DACH1: variants seen among roughly 807,000 people sequenced by gnomAD.
DACH1 encodes the protein dachshund homolog 1.
In DACH1, 12 loss-of-function variants were observed where a neutral mutation model predicts 54.2. The observed-to-expected ratio is 0.22, with a 90% CI of 0.14 to 0.36. The LOEUF is 0.36. DACH1 is among the 10% of genes least tolerant of loss of function. The pLI is 1.00. For missense variants in DACH1, 805 were observed against 929.8 expected, an observed-to-expected ratio of 0.87 and a Z score of 1.75; for synonymous variants, 386 against 366.2, an observed-to-expected ratio of 1.05 and a Z score of -0.62.
intron 1 of DACH1, among the ~76,000 whole-genome samples, chr13:71,847,591 T>C (rs1385444761): frequency 6.6e-6 from 1 of 152,176 alleles, no homozygotes; most frequent in Non-Finnish European, 1.5e-5. Flanking sequence ...TTTAAAATGT[T>C]AACAGTGATG....
At chr13:71,791,637 G>A (rs1886838325) in intron 1 of DACH1, among the ~76,000 whole-genome samples, 1 of 152,116 alleles carries the variant, frequency 6.6e-6, no homozygotes, top group Admixed American at 6.5e-5. Context: ...ACCCGCCTTG[G>A]CCTCCCAAAG....
chr13:71,714,631 A>G (rs1463559951), intron 1 of DACH1, among the ~76,000 whole-genome samples: 1 of 152,072 alleles, frequency 6.6e-6, no homozygotes, highest in Non-Finnish European at 1.5e-5. Flanking sequence ...TTTAGTAAAG[A>G]TTCCTTATGA....
chr13:71,665,004 T>C (rs1029374800), intron 2 of DACH1, among the ~76,000 whole-genome samples: 5 of 151,966 alleles, frequency 3.3e-5, no homozygotes, highest in African/African-American at 1.2e-4. Flanking sequence ...TTACTACTAA[T>C]GAGCAATAGG....
intron 1 of DACH1, among the ~76,000 whole-genome samples, chr13:71,727,416 T>G (rs1357285786): frequency 6.6e-6 from 1 of 152,100 alleles, no homozygotes; most frequent in African/African-American, 2.4e-5. Flanking sequence ...CCAACAGCCC[T>G]GGTGCACATT....
At chr13:71,658,319 G>A (rs1273623809) in intron 2 of DACH1, among the ~76,000 whole-genome samples, 5 of 152,162 alleles carry the variant, frequency 3.3e-5, no homozygotes, top group African/African-American at 9.7e-5. Flanking sequence ...GGAAGCTGAG[G>A]CGGGTGGATC....
At chr13:71,762,064 T>C (rs1401141515) in intron 1 of DACH1, among the ~76,000 whole-genome samples, 1 of 152,158 alleles carries the variant, frequency 6.6e-6, no homozygotes, top group Non-Finnish European at 1.5e-5. Context: ...CCTCAAAGTC[T>C]GTATTGTTAT....
chr13:71,708,009 C>A (rs1172456961), intron 1 of DACH1, among the ~76,000 whole-genome samples: 1 of 151,730 alleles, frequency 6.6e-6, no homozygotes, highest in Non-Finnish European at 1.5e-5. Context: ...GGTGAGTAAT[C>A]TAACTTCTTT....
chr13:71,497,424 T>C (rs970913489), intron 6 of DACH1, among the ~76,000 whole-genome samples: 5 of 151,894 alleles, frequency 3.3e-5, no homozygotes, highest in Non-Finnish European at 7.4e-5. Context: ...CTCTGCATCC[T>C]GGGTTCAGGT....
intron 1 of DACH1, among the ~76,000 whole-genome samples, chr13:71,735,072 G>T (rs1160749737): frequency 6.7e-6 from 1 of 149,450 alleles, no homozygotes; most frequent in African/African-American, 2.5e-5. Context: ...CATATATATG[G>T]GATATACGTA....
intron 6 of DACH1, among the ~76,000 whole-genome samples, chr13:71,541,127 CT>C (rs1225109192): frequency 2.0e-5 from 3 of 151,774 alleles, no homozygotes; most frequent in Non-Finnish European, 2.9e-5. Context: ...AATTATGATG[CT>C]ATTCCTTATG....
chr13:71,746,740 T>G (rs1884617819), intron 1 of DACH1, among the ~76,000 whole-genome samples: 1 of 152,198 alleles, frequency 6.6e-6, no homozygotes, highest in Non-Finnish European at 1.5e-5. Flanking sequence ...CTTCACTGGT[T>G]GCTCATGTAA....
intron 1 of DACH1, among the ~76,000 whole-genome samples, chr13:71,811,934 C>CTT (rs1489249925): frequency 2.6e-5 from 4 of 152,084 alleles, no homozygotes; most frequent in Non-Finnish European, 4.4e-5. Flanking sequence ...AACTGAAAAA[C>CTT]TTTCCTTCTA....
At chr13:71,445,892 CTGAA>C (rs1024735357) in intron 10 of DACH1, among the ~76,000 whole-genome samples, 1 of 152,128 alleles carries the variant, frequency 6.6e-6, no homozygotes, top group African/African-American at 2.4e-5. Context: ...AACAAACCAC[CTGAA>C]TGAAAGGCGG....
intron 2 of DACH1, among the ~76,000 whole-genome samples, chr13:71,630,954 G>T (rs1877056135): frequency 6.6e-6 from 1 of 152,114 alleles, no homozygotes; most frequent in African/African-American, 2.4e-5. Flanking sequence ...ACAGGTAGAA[G>T]GCTAATAGTG....
At chr13:71,637,052 GA>G (rs1877540386) in intron 2 of DACH1, among the ~76,000 whole-genome samples, 1 of 151,980 alleles carries the variant, frequency 6.6e-6, no homozygotes, top group Non-Finnish European at 1.5e-5. Flanking sequence ...GACCAGCATA[GA>G]AGTTATTTGT....
intron 1 of DACH1, among the ~76,000 whole-genome samples, chr13:71,859,686 T>A (rs1462113590): frequency 6.6e-6 from 1 of 151,892 alleles, no homozygotes; most frequent in Non-Finnish European, 1.5e-5. Context: ...ACCAGTAATC[T>A]AATAATAACT....
chr13:71,500,417 T>C (rs985043755), intron 6 of DACH1, among the ~76,000 whole-genome samples: 1 of 152,286 alleles, frequency 6.6e-6, no homozygotes, highest in African/African-American at 2.4e-5. Context: ...TGAGTGTCAT[T>C]GCTATGTGAA....
intron 1 of DACH1, among the ~76,000 whole-genome samples, chr13:71,795,602 A>G (rs1887014928): frequency 6.6e-6 from 1 of 152,170 alleles, no homozygotes; most frequent in Non-Finnish European, 1.5e-5. Context: ...CACTTAGTAT[A>G]ATGTCTGATA....
chr13:71,803,099 A>T (rs918918027), intron 1 of DACH1, among the ~76,000 whole-genome samples: 31 of 152,162 alleles, frequency 2.0e-4, no homozygotes, highest in Non-Finnish European at 3.7e-4. Flanking sequence ...CCTATTTTGA[A>T]ATGTTCCTAA....
Sources: gnomAD v4.1 joint callset for allele counts (sites outside exome capture counted in the v4.1 genomes callset) on GRCh38, gnomAD v4.1.1 for gene constraint, MANE v1.5 for transcripts, NCBI Gene and HGNC (gene_info 2026-07-23, HGNC 2026-07-21) for gene names.